Variants in REEP3 observed in about 807,000 individuals in gnomAD.
The protein encoded by REEP3 is receptor accessory protein 3.
In REEP3, 20 loss-of-function variants were observed where a neutral mutation model predicts 41.3. That is an observed-to-expected ratio of 0.48 (90% CI 0.34 to 0.70). The LOEUF is 0.70. Among genes scored for constraint, REEP3 ranks in the 30% least tolerant of loss-of-function variants. The probability of loss-of-function intolerance (pLI) is 0.01; values close to 1 mark genes in which losing one functional copy is unlikely to be tolerated. For synonymous variants in REEP3, 104 were observed against 101.8 expected, an observed-to-expected ratio of 1.02 and a Z score of -0.13; for missense variants, 271 against 308.8, an observed-to-expected ratio of 0.88 and a Z score of 0.92.
chr10:63,556,856 C>G (rs1256504914), intron 1 of REEP3, among the ~76,000 whole-genome samples: 1 of 150,552 alleles, frequency 6.6e-6, no homozygotes, highest in Non-Finnish European at 1.5e-5. Flanking sequence ...GGGATGGTCT[C>G]GATCTCCTGA....
chr10:63,522,477 T>TA (rs940834065), intron 1 of REEP3, among the ~76,000 whole-genome samples: 11 of 151,010 alleles, frequency 7.3e-5, no homozygotes, highest in Admixed American at 2.6e-4. Flanking sequence ...TCTCCCCGAT[T>TA]AAAAAAAAAG....
chr10:63,599,628 C>CT, intron 5 of REEP3: 1 of 913,838 alleles, frequency 1.1e-6, no homozygotes, highest in Non-Finnish European at 1.3e-6. Context: ...TTCTTTCTCT[C>CT]TCTTTTTTTC....
intron 6 of REEP3, among the ~76,000 whole-genome samples, chr10:63,612,375 TTACCCAGA>T (rs1379852018): frequency 6.6e-6 from 1 of 150,930 alleles, no homozygotes; most frequent in Admixed American, 6.6e-5. Context: ...CTTCACCATG[TTACCCAGA>T]CTGGCCTCAA....
intron 1 of REEP3, among the ~76,000 whole-genome samples, chr10:63,546,908 T>C (rs1955583168): frequency 6.6e-6 from 1 of 151,588 alleles, no homozygotes; most frequent in African/African-American, 2.4e-5. Flanking sequence ...AAAGATAATA[T>C]AGAAAACTTC....
chr10:63,552,937 A>G (rs1955643166), intron 1 of REEP3, among the ~76,000 whole-genome samples: 1 of 152,200 alleles, frequency 6.6e-6, no homozygotes, highest in Non-Finnish European at 1.5e-5. Flanking sequence ...CACCTCTCTG[A>G]TTTTCTTGTA....
chr10:63,578,645 T>G (rs1241977905), intron 2 of REEP3, among the ~76,000 whole-genome samples: 1 of 151,984 alleles, frequency 6.6e-6, no homozygotes, highest in East Asian at 1.9e-4. Context: ...GGTGTGATGG[T>G]ACACGCCTGT....
intron 5 of REEP3, among the ~76,000 whole-genome samples, chr10:63,608,503 T>C (rs1372671790): frequency 6.6e-6 from 1 of 152,208 alleles, no homozygotes; most frequent in African/African-American, 2.4e-5. Flanking sequence ...CCTTTGACTT[T>C]GAAATTTAGA....
At chr10:63,597,822 A>C (rs1346490862) in intron 3 of REEP3, among the ~76,000 whole-genome samples, 1 of 151,780 alleles carries the variant, frequency 6.6e-6, no homozygotes, top group African/African-American at 2.4e-5. Flanking sequence ...CTGAGGCAGG[A>C]GAATCACTTG....
At position 63,619,640 on chromosome 10, in the gene REEP3, T is replaced by C; in HGVS notation, c.566-15T>C. On this transcript the variant is annotated splice_polypyrimidine_tract_variant and intron_variant, in intron 6 of 7. Transcript: ENST00000373758. The stretch of plus-strand genomic sequence containing the variant: ...TCCTTTTACCAAAACATGCTGTTTT[T>C]GACAACTTGTTTAGGTTATGGAATT... 1.3e-6 allele frequency: 2 copies of C among 1,590,160 alleles called. No individual in the cohort carries two copies. The highest frequency in any genetic ancestry group is 1.7e-4 in the Middle Eastern group (1 of 6,040).
At chr10:63,613,608 C>A (rs979182940) in intron 6 of REEP3, among the ~76,000 whole-genome samples, 1 of 151,928 alleles carries the variant, frequency 6.6e-6, no homozygotes, top group Non-Finnish European at 1.5e-5. Flanking sequence ...GTTCTAGGAC[C>A]GGAATAGGTG....
chr10:63,541,146 A>C (rs1955524511), intron 1 of REEP3, among the ~76,000 whole-genome samples: 1 of 152,216 alleles, frequency 6.6e-6, no homozygotes, highest in African/African-American at 2.4e-5. Context: ...AAAATAATTT[A>C]AATTGAAGAC....
intron 1 of REEP3, among the ~76,000 whole-genome samples, chr10:63,548,843 G>C (rs1270213429): frequency 6.6e-6 from 1 of 152,196 alleles, no homozygotes; most frequent in African/African-American, 2.4e-5. Flanking sequence ...AATACTACTT[G>C]ATAACATGGT....
chr10:63,556,892 C>G (rs1174692398), intron 1 of REEP3, among the ~76,000 whole-genome samples: 1 of 151,786 alleles, frequency 6.6e-6, no homozygotes, highest in African/African-American at 2.4e-5. Flanking sequence ...GCCTCGGCCT[C>G]CCAAAGTGCT....
chr10:63,548,163 A>G (rs78109635), intron 1 of REEP3, among the ~76,000 whole-genome samples: 4,276 of 152,324 alleles, frequency 0.028, 88 homozygotes, highest in Non-Finnish European at 0.045. Context: ...GAATGCTCCA[A>G]TGAGCAATCA....
intron 1 of REEP3, among the ~76,000 whole-genome samples, chr10:63,563,877 AATC>A (rs1476489635): frequency 6.6e-6 from 1 of 152,126 alleles, no homozygotes; most frequent in Admixed American, 6.5e-5. Flanking sequence ...ATCTCACTCT[AATC>A]ATGATTAGAG....
chr10:63,579,047 G>T (rs539027472), intron 2 of REEP3, among the ~76,000 whole-genome samples: 3 of 134,586 alleles, frequency 2.2e-5, no homozygotes, highest in Non-Finnish European at 1.6e-5. Flanking sequence ...TTTTTGGGGG[G>T]GGGGAGATGG....
intron 6 of REEP3, among the ~76,000 whole-genome samples, chr10:63,611,206 G>C (rs143852089): frequency 4.5e-4 from 68 of 152,328 alleles, no homozygotes; most frequent in African/African-American, 1.3e-3. Flanking sequence ...ACCAGCACTA[G>C]TTCTAACCTG....
At position 63,610,238 on chromosome 10, in the gene REEP3, A is replaced by G; in HGVS notation, c.469A>G (p.Thr157Ala). 6.2e-7 allele frequency: 1 copy of G among 1,605,538 alleles called. No homozygotes were observed. Among genetic ancestry groups the G allele is most frequent in the Non-Finnish European group, 8.5e-7 (1 of 1,175,474 alleles). The change falls in exon 6 of 8, where the codon ACA (threonine) becomes GCA (alanine). Residue 157 changes from threonine (T) to alanine (A), a missense_variant. Physicochemically the swap from Thr to Ala is moderately conservative, Grantham distance 58. Transcript: ENST00000373758. ...AAGAAGCTTCAGTATGCATGATTTA[A>G]CAACTATCCAAGGTGATGAGCCTGT... is the stretch of plus-strand genomic sequence containing the variant. The part of the protein sequence containing the change: ...RLRSFSMHDL[T>A]TIQGDEPVGQ...
At chr10:63,582,756 GC>G (rs927108093) in intron 2 of REEP3, among the ~76,000 whole-genome samples, 1 of 151,652 alleles carries the variant, frequency 6.6e-6, no homozygotes, top group Non-Finnish European at 1.5e-5. Context: ...GCTTTCTGCA[GC>G]CTCTGTGTAC....
Sources: allele counts gnomAD v4.1 joint callset (sites outside exome capture counted in the v4.1 genomes callset), GRCh38; gene constraint gnomAD v4.1.1; transcripts MANE v1.5; gene names NCBI Gene and HGNC (gene_info 2026-07-23, HGNC 2026-07-21).